Variants in NAV3 observed in about 807,000 individuals in gnomAD.
The protein encoded by NAV3 is neuron navigator 3.
NAV3 carries 87 observed loss-of-function variants against 244.7 expected under a neutral mutation model. That is an observed-to-expected ratio of 0.36 (90% CI 0.30 to 0.42). The LOEUF is 0.42. NAV3 is among the 20% of genes least tolerant of loss of function. The pLI is 1.00. For synonymous variants in NAV3, 1,126 were observed against 1,042.2 expected, an observed-to-expected ratio of 1.08 and a Z score of -1.55; for missense variants, 2,663 against 2,893.3, an observed-to-expected ratio of 0.92 and a Z score of 1.83.
At chr12:78,051,234 T>G (rs1340220031) in intron 11 of NAV3, 87 bp downstream of exon 11, 17 of 1,465,406 alleles carry the variant, frequency 1.2e-5, no homozygotes, top group Non-Finnish European at 1.6e-5. Context: ...TGTGTAAGTT[T>G]GCCCAGAAAG....
At chr12:77,703,645 A>G (rs2251630) in intron 2 of NAV3, among the ~76,000 whole-genome samples, 4,069 of 152,250 alleles carry the variant, frequency 0.027, 138 homozygotes, top group African/African-American at 0.091. Context: ...CAAACAAACT[A>G]TGAGGGTTCA....
rs1019647624 is a variant in NAV3 at position 77,866,196 on chromosome 12, T to G, written c.243+34492T>G. Among the ~76,000 whole-genome samples, 6 of 152,212 alleles carry G rather than the reference T, an allele frequency of 3.9e-5. No individual in the cohort carries two copies. The South Asian group carries it at 6.2e-4, about 16-fold the overall frequency. ...CTATTTTTAAATGATTATTCAAAAT[T>G]GATAAAATATAAATAGTGGTAGAGG... is the stretch of plus-strand genomic sequence containing the variant. On this transcript the variant is annotated intron_variant, in intron 1 of 39. Coordinates refer to ENST00000397909, the MANE Select transcript of NAV3 (RefSeq NM_001024383.2).
At chr12:78,166,930 A>C (rs1957803213) in intron 23 of NAV3, among the ~76,000 whole-genome samples, 1 of 151,756 alleles carries the variant, frequency 6.6e-6, no homozygotes, top group African/African-American at 2.4e-5. Context: ...ATTGATCTTA[A>C]ATTTAAGGAT....
At chr12:78,042,275 T>C (rs1218072720) in intron 9 of NAV3, among the ~76,000 whole-genome samples, 1 of 152,190 alleles carries the variant, frequency 6.6e-6, no homozygotes, top group Non-Finnish European at 1.5e-5. Flanking sequence ...AGTTGATAGG[T>C]GGTGATTGTA....
intron 3 of NAV3, among the ~76,000 whole-genome samples, chr12:77,954,797 A>T (rs1026534125): frequency 2.6e-5 from 4 of 152,326 alleles, no homozygotes; most frequent in South Asian, 2.1e-4. Flanking sequence ...AGGATTTTTT[A>T]AAAAATTGGA....
intron 2 of NAV3, among the ~76,000 whole-genome samples, chr12:77,812,519 A>G (rs1285293747): frequency 2.0e-5 from 3 of 151,590 alleles, no homozygotes; most frequent in African/African-American, 7.3e-5. Context: ...GGTTCAAGCA[A>G]TTCTCCTGTC....
intron 13 of NAV3, among the ~76,000 whole-genome samples, chr12:78,117,184 T>TATATATAC (rs1955437104): frequency 7.3e-6 from 1 of 136,764 alleles, no homozygotes; most frequent in East Asian, 2.1e-4. Flanking sequence ...TATATATATA[T>TATATATAC]ATATATATAT....
At chr12:78,027,271 A>T (rs1002270776) in intron 9 of NAV3, among the ~76,000 whole-genome samples, 2 of 141,814 alleles carry the variant, frequency 1.4e-5, no homozygotes, top group African/African-American at 5.1e-5. Context: ...CCCTGTCTCT[A>T]AAAAAAAAAA....
At chr12:77,631,529 A>G (rs1301568438) in intron 2 of NAV3, among the ~76,000 whole-genome samples, 1 of 151,964 alleles carries the variant, frequency 6.6e-6, no homozygotes, top group Non-Finnish European at 1.5e-5. Context: ...GGCTGACAAC[A>G]TGCTATAGAG....
chr12:78,060,898 T>G (rs1341346919), intron 12 of NAV3, among the ~76,000 whole-genome samples: 2 of 152,122 alleles, frequency 1.3e-5, no homozygotes, highest in Non-Finnish European at 2.9e-5. Flanking sequence ...AACCAAGAAA[T>G]GAACACAAGG....
intron 2 of NAV3, among the ~76,000 whole-genome samples, chr12:77,664,262 A>G (rs1310660415): frequency 1.3e-5 from 2 of 152,210 alleles, no homozygotes; most frequent in Non-Finnish European, 2.9e-5. Flanking sequence ...TTAAATATCC[A>G]TGAAAATCTT....
At chr12:78,119,995 T>TC in intron 15 of NAV3, 50 bp downstream of exon 15, 13 of 1,415,792 alleles carry the variant, frequency 9.2e-6, no homozygotes, top group Non-Finnish European at 1.2e-5. Context: ...TAAATATGTG[T>TC]TAGACACATA....
chr12:78,194,756 CT>C (rs2139948851), intron 34 of NAV3, among the ~76,000 whole-genome samples: 1 of 152,146 alleles, frequency 6.6e-6, no homozygotes, highest in Non-Finnish European at 1.5e-5. Flanking sequence ...ATATTCTTAG[CT>C]TTTTTCCTAC....
chr12:78,073,672 G>A (rs1051272317), intron 12 of NAV3, among the ~76,000 whole-genome samples: 23 of 152,122 alleles, frequency 1.5e-4, no homozygotes, highest in African/African-American at 5.3e-4. Context: ...TTTCTTCACA[G>A]AATTGGAAAA....
intron 2 of NAV3, among the ~76,000 whole-genome samples, chr12:77,576,598 T>G (rs571334871): frequency 3.1e-4 from 47 of 152,288 alleles, no homozygotes; most frequent in African/African-American, 1.0e-3. Flanking sequence ...CTTTTCATTT[T>G]ATTTTTGCAT....
intron 2 of NAV3, among the ~76,000 whole-genome samples, chr12:77,635,236 A>C (rs975838956): frequency 6.6e-6 from 1 of 152,116 alleles, no homozygotes; most frequent in Non-Finnish European, 1.5e-5. Context: ...TCAAAAAAAA[A>C]AAAGAGAGAA....
intron 3 of NAV3, among the ~76,000 whole-genome samples, chr12:77,961,318 T>C (rs1036466830): frequency 7.0e-6 from 1 of 142,606 alleles, no homozygotes; most frequent in Non-Finnish European, 1.5e-5. Context: ...ATTACACATA[T>C]ACATATATGT....
intron 2 of NAV3, among the ~76,000 whole-genome samples, chr12:77,637,934 T>C (rs553781509): frequency 1.3e-5 from 2 of 152,328 alleles, no homozygotes; most frequent in African/African-American, 4.8e-5. Context: ...TTAGAAAATT[T>C]CTGAATTGAC....
chr12:77,637,566 T>G (rs1239721006), intron 2 of NAV3, among the ~76,000 whole-genome samples: 1 of 152,170 alleles, frequency 6.6e-6, no homozygotes, highest in Non-Finnish European at 1.5e-5. Flanking sequence ...TTAATCCTCA[T>G]ATTCACCCCA....
Sources: gnomAD v4.1 joint callset for allele counts (sites outside exome capture counted in the v4.1 genomes callset) on GRCh38, gnomAD v4.1.1 for gene constraint, MANE v1.5 for transcripts, NCBI Gene and HGNC (gene_info 2026-07-23, HGNC 2026-07-21) for gene names.